Variants in TRAK1 observed in about 807,000 individuals in gnomAD.
TRAK1 encodes trafficking kinesin-binding protein 1.
A neutral mutation model predicts 92.1 loss-of-function variants in TRAK1; 33 were observed. The observed-to-expected ratio is 0.36, with a 90% CI of 0.27 to 0.48. TRAK1 has a LOEUF of 0.48. TRAK1 is among the 20% of genes least tolerant of loss of function. The probability of loss-of-function intolerance (pLI) is 0.99; values close to 1 mark genes in which losing one functional copy is unlikely to be tolerated. For missense variants in TRAK1, 1,123 were observed against 1,257.9 expected, an observed-to-expected ratio of 0.89 and a Z score of 1.62; for synonymous variants, 521 against 517.3, an observed-to-expected ratio of 1.01 and a Z score of -0.10.
chr3:42,023,178 C>A (rs1222276298), intron 1 of TRAK1, among the ~76,000 whole-genome samples: 163 of 131,306 alleles, frequency 1.2e-3, no homozygotes, highest in African/African-American at 3.3e-3. Flanking sequence ...AAAAAAACAA[C>A]AAAAAGAAAA....
chr3:42,066,453 C>T lies in TRAK1; in HGVS notation c.-518-20651C>T, dbSNP rs545892710. Among the ~76,000 whole-genome samples the T allele has an allele frequency of 1.3e-4, 20 of 151,698 alleles. No homozygotes were observed. In the East Asian group the frequency reaches 1.4e-3, roughly 10 times the overall value. ...AGAGAGAGAGAGAGAGAGCACCCAG[C>T]GTGGGAAGGCTGGGTGTGGACATCG... On this transcript the variant is annotated intron_variant, in intron 1 of 16. Coordinates refer to the TRAK1 transcript ENST00000487159.
chr3:42,194,964 C>G lies in TRAK1; in HGVS notation c.1113+23C>G, dbSNP rs754163195. The stretch of plus-strand genomic sequence containing the variant: ...ATGGTGAGCTGTGCTTTCTTCCCAG[C>G]CAGAGGACAGGAGGGGTTCTGGTGA... On this transcript the variant is annotated intron_variant, in intron 10 of 15. Transcript: ENST00000327628. 4 of 1,612,166 alleles carry G rather than the reference C, an allele frequency of 2.5e-6. No homozygotes were observed. The East Asian group carries it at 8.9e-5, about 36-fold the overall frequency.
intron 1 of TRAK1, among the ~76,000 whole-genome samples, chr3:42,080,706 G>A (rs923485044): frequency 6.6e-6 from 1 of 152,078 alleles, no homozygotes; most frequent in African/African-American, 2.4e-5. Flanking sequence ...GGGAAAGATT[G>A]TCACCTTTGC....
chr3:42,062,968 T>G (rs775534600), intron 1 of TRAK1, among the ~76,000 whole-genome samples: 16 of 152,184 alleles, frequency 1.1e-4, no homozygotes, highest in Non-Finnish European at 1.6e-4. Context: ...TTATCCCTGT[T>G]TTTGAGATAT....
At chr3:42,217,282 A>T (rs565584888) in intron 14 of TRAK1, 7 of 985,176 alleles carry the variant, frequency 7.1e-6, no homozygotes, top group Non-Finnish European at 8.4e-6. Context: ...CAGTGGTGAC[A>T]TGCGGAGAGC....
intron 4 of TRAK1, among the ~76,000 whole-genome samples, chr3:42,186,052 A>C (rs904555117): frequency 5.6e-5 from 8 of 142,086 alleles, no homozygotes; most frequent in African/African-American, 2.1e-4. Context: ...GTGAGATCAC[A>C]GCTCACTGCA....
At chr3:42,150,061 TGAGCCCA>T in intron 2 of TRAK1, among the ~76,000 whole-genome samples, 1 of 152,142 alleles carries the variant, frequency 6.6e-6, no homozygotes, top group African/African-American at 2.4e-5. Flanking sequence ...TGCCCTTTTC[TGAGCCCA>T]GACCTGGGAA....
intron 1 of TRAK1, among the ~76,000 whole-genome samples, chr3:42,042,630 C>T (rs1314407371): frequency 1.3e-5 from 2 of 151,992 alleles, no homozygotes; most frequent in Non-Finnish European, 2.9e-5. Flanking sequence ...CTTGGCCTCC[C>T]AAAGTGCTGG....
At chr3:42,013,136 C>T (rs1015948005), upstream of TRAK1, among the ~76,000 whole-genome samples, 4 of 152,180 alleles carry the variant, frequency 2.6e-5, no homozygotes, top group African/African-American at 9.7e-5. This position sits in a 1 kb window ranked among gnomAD's most constrained non-coding sequence, Gnocchi z 5.1. Context: ...GCCTGTCACC[C>T]TTTGGTGGCA....
At chr3:42,198,004 G>A (rs551235345) in intron 10 of TRAK1, among the ~76,000 whole-genome samples, 64 of 152,334 alleles carry the variant, frequency 4.2e-4, no homozygotes, top group African/African-American at 1.4e-3. Context: ...CCTGGCTGGT[G>A]GTTTCCACAT....
Position 42,199,883 on chromosome 3 carries a change from C to T in TRAK1, c.1190+630C>T, listed in dbSNP as rs140825943. ...CAAGCTTTGTCTTGATATAGCTACACGTTTTTATCTTTCCTTTCAGTGGAA... is the reference window on the plus strand; with the variant it reads ...CAAGCTTTGTCTTGATATAGCTACATGTTTTTATCTTTCCTTTCAGTGGAA... On this transcript the variant is annotated intron_variant, in intron 11 of 15. Coordinates refer to ENST00000327628, the MANE Select transcript of TRAK1 (RefSeq NM_001042646.3). Among the ~76,000 whole-genome samples, 458 of 152,352 alleles carry T rather than the reference C, an allele frequency of 3.0e-3. 1 individual carries two copies. Among genetic ancestry groups the T allele is most frequent in the African/African-American group, 0.01 (431 of 41,592 alleles).
At chr3:42,119,408 TAAGTG>T (rs1709566446) in intron 1 of TRAK1, among the ~76,000 whole-genome samples, 2 of 152,278 alleles carry the variant, frequency 1.3e-5, no homozygotes, top group African/African-American at 4.8e-5. Flanking sequence ...TGGTATGCCT[TAAGTG>T]AAGGGAAATT....
intron 1 of TRAK1, among the ~76,000 whole-genome samples, chr3:42,094,275 A>T (rs1377610570): frequency 6.6e-6 from 1 of 152,166 alleles, no homozygotes; most frequent in Non-Finnish European, 1.5e-5. Context: ...CCCAGGGGGA[A>T]CTTTGGAGTC....
chr3:42,099,959 A>T (rs1378288473), intron 1 of TRAK1, among the ~76,000 whole-genome samples: 2 of 152,050 alleles, frequency 1.3e-5, no homozygotes, highest in African/African-American at 2.4e-5. Context: ...GGGCCTGTCC[A>T]GGTGAGGATG....
intron 1 of TRAK1, among the ~76,000 whole-genome samples, chr3:42,038,644 C>A (rs1046670966): frequency 6.6e-6 from 1 of 151,900 alleles, no homozygotes; most frequent in African/African-American, 2.4e-5. Context: ...AAGAATTTGC[C>A]GGGCGTGGTG....
intron 1 of TRAK1, among the ~76,000 whole-genome samples, chr3:42,092,245 C>T (rs1172635966): frequency 3.3e-5 from 5 of 152,124 alleles, no homozygotes; most frequent in Non-Finnish European, 7.3e-5. Context: ...GGTCAGAGTC[C>T]AGTGGTTGAT....
Position 42,107,070 on chromosome 3 carries a change from C to T in TRAK1, c.91+15510C>T, listed in dbSNP as rs1707664422. On this transcript the variant is annotated intron_variant, in intron 1 of 15. Transcript: ENST00000327628. ...TTTGCTTGTCCCCTAGTTAGAGCCA[C>T]CTTTGAAGGGGAAGACAGGACAGTC... 2.6e-5 allele frequency among the ~76,000 whole-genome samples: 4 copies of T among 152,160 alleles called. No individual in the cohort carries two copies. In the South Asian group the frequency reaches 8.3e-4, roughly 32 times the overall value.
At chr3:42,041,588 A>T (rs1174305221) in intron 1 of TRAK1, among the ~76,000 whole-genome samples, 2 of 134,404 alleles carry the variant, frequency 1.5e-5, no homozygotes, top group East Asian at 2.0e-4. Flanking sequence ...CCTCCTCAAT[A>T]TGAGGGCCCT....
chr3:42,191,653 C>T lies in TRAK1; in HGVS notation c.769+17C>T. ...AGGAGCTGAGTATGTCCCCGCACTG[C>T]TGTCTTCTTACTTCCTTGCATCTGC... is the stretch of plus-strand genomic sequence containing the variant. On this transcript the variant is annotated intron_variant, in intron 7 of 15. Coordinates refer to ENST00000327628, the MANE Select transcript of TRAK1 (RefSeq NM_001042646.3). The T allele has an allele frequency of 6.3e-7, 1 of 1,585,134 alleles. No homozygotes were observed. The highest frequency in any genetic ancestry group is 8.6e-7 in the Non-Finnish European group (1 of 1,164,750).
Sources: gnomAD v4.1 joint callset for allele counts (sites outside exome capture counted in the v4.1 genomes callset) on GRCh38, gnomAD v4.1.1 for gene constraint, Gnocchi (gnomAD v3.1) non-coding constraint, MANE v1.5 for transcripts, NCBI Gene and HGNC (gene_info 2026-07-23, HGNC 2026-07-21) for gene names.